KIF20B: variants seen among roughly 807,000 people sequenced by gnomAD.
KIF20B encodes the protein kinesin-like protein KIF20B.
A neutral mutation model predicts 232.5 loss-of-function variants in KIF20B; 188 were observed. That is an observed-to-expected ratio of 0.81 (90% confidence interval 0.72 to 0.91). The LOEUF is 0.91. Ranked by LOEUF, KIF20B falls within the 40% of genes least tolerant of loss-of-function variation. The probability of loss-of-function intolerance (pLI) is 0.00; values close to 1 mark genes in which losing one functional copy is unlikely to be tolerated. For missense variants in KIF20B, 2,154 were observed against 2,055.9 expected (o/e 1.05, Z -0.92); for synonymous variants, 712 against 683.0 (o/e 1.04, Z -0.66).
chr10:89,758,719 C>T lies in KIF20B; in HGVS notation c.4517C>T (p.Ala1506Val). ...TTTCCTGATTAGGAAATACTGACAG[C>T]CCAGCTGACAGAGAAAGATAGTGAC... Reference protein sequence around the residue: ...KQQNEMEILTAQLTEKDSDLQ... With the variant: ...KQQNEMEILTVQLTEKDSDLQ... Residue 1506 changes from alanine (A) to valine (V), a missense_variant, in exon 27 of 33, where the codon GCC becomes GTC. By Grantham distance (64) the Ala-to-Val change is moderately conservative (BLOSUM62 0). Coordinates refer to ENST00000371728, the MANE Select transcript of KIF20B (RefSeq NM_001284259.2). The T allele has an allele frequency of 1.9e-6, 3 of 1,586,552 alleles. No individual in the cohort carries two copies. The highest frequency in any genetic ancestry group is 1.7e-6 in the Non-Finnish European group (2 of 1,168,208).
At chr10:89,762,571 T>A (rs1589882721) in intron 28 of KIF20B, 67 bp from the exon 29 acceptor site, 1 of 1,221,934 alleles carries the variant, frequency 8.2e-7, no homozygotes, top group East Asian at 2.4e-5. Flanking sequence ...TTTGAGAGAA[T>A]TAATTCTTTG....
intron 19 of KIF20B, among the ~76,000 whole-genome samples, chr10:89,734,497 T>G (rs1841601317): frequency 6.6e-6 from 1 of 152,208 alleles, no homozygotes; most frequent in Admixed American, 6.5e-5. Context: ...CTCCACATTA[T>G]GGTAGTACCT....
intron 16 of KIF20B, among the ~76,000 whole-genome samples, chr10:89,727,269 T>G (rs1021953395): frequency 4.6e-5 from 7 of 151,526 alleles, no homozygotes; most frequent in Non-Finnish European, 8.8e-5. Context: ...CCTTTTTTTT[T>G]TAAAGACAGG....
At chr10:89,767,615 G>T (rs1405329620) in intron 29 of KIF20B, among the ~76,000 whole-genome samples, 1 of 151,996 alleles carries the variant, frequency 6.6e-6, no homozygotes, top group East Asian at 1.9e-4. Flanking sequence ...AGCAGTTCAA[G>T]TCAGTGAGTA....
intron 2 of KIF20B, among the ~76,000 whole-genome samples, chr10:89,708,153 C>T (rs1842764037): frequency 6.6e-6 from 1 of 151,530 alleles, no homozygotes; most frequent in South Asian, 2.1e-4. Flanking sequence ...ATGTCAAACT[C>T]AAAATTAGTT....
At position 89,752,627 on chromosome 10, in the gene KIF20B, A is replaced by T; in HGVS notation, c.4283A>T (p.Asn1428Ile). Residue 1428 changes from asparagine to isoleucine, a missense_variant, in exon 25 of 33, where the codon AAT (asparagine) becomes ATT (isoleucine). Physicochemically the swap from Asn to Ile is moderately radical, Grantham distance 149. Transcript: ENST00000371728. The stretch of plus-strand genomic sequence containing the variant: ...GAAACCAAAAACAATCAAAGGTCAA[A>T]TAAAGAACATGAGAACAACACAGAT... ...DLETKNNQRS[N>I]KEHENNTDVL... The T allele has an allele frequency of 6.2e-7, 1 of 1,607,128 alleles. No individual in the cohort carries two copies. The highest frequency in any genetic ancestry group is 1.1e-5 in the South Asian group (1 of 89,958).
At chr10:89,728,516 T>TAA (rs1278392195) in intron 17 of KIF20B, among the ~76,000 whole-genome samples, 1 of 151,978 alleles carries the variant, frequency 6.6e-6, no homozygotes, top group African/African-American at 2.4e-5. Context: ...TAGTTTTATT[T>TAA]ATTTATTGTT....
At position 89,714,052 on chromosome 10, in the gene KIF20B, T is replaced by C. The variant is rs1246084251; in HGVS notation, c.681T>C (p.Thr227=). The change falls in exon 7 of 33, where the codon ACT becomes ACC. Residue 227 remains threonine (T), a synonymous_variant. Transcript: ENST00000371728. ...TAAAACAATCTTTTTTTTAGGTTAC[T>C]GTGCATAATGATAGTGATGATACTC... ...SALLRQIKEV[T]VHNDSDDTLY... 7.0e-6 allele frequency: 10 copies of C among 1,424,652 alleles called. No individual in the cohort carries two copies. Among genetic ancestry groups the C allele is most frequent in the Non-Finnish European group, 9.5e-6 (10 of 1,057,506 alleles). The allele number at this position is 1,424,652 out of a possible 1,614,324, so 88.3% of individuals were successfully genotyped here.
Position 89,760,615 on chromosome 10 carries a change from A to T in KIF20B, c.4770A>T (p.Glu1590Asp), listed in dbSNP as rs1842219331. The T allele has an allele frequency of 6.2e-7, 1 of 1,603,218 alleles. No individual in the cohort carries two copies. Residue 1590 changes from glutamate to aspartate, a missense_variant, in exon 28 of 33, where the codon GAA (glutamate) becomes GAT (aspartate). By Grantham distance (45) the Glu-to-Asp change is conservative. Transcript: ENST00000371728. ...LQTEPLSTSF[E>D]ISRNKIEDGS... ...CTGAACCTCTATCGACAAGTTTTGA[A>T]ATTTCCAGAAATAAAATAGAGGTGG...
chr10:89,771,828 G>A (rs1420689724), intron 31 of KIF20B, among the ~76,000 whole-genome samples: 1 of 151,934 alleles, frequency 6.6e-6, no homozygotes, highest in Non-Finnish European at 1.5e-5. Flanking sequence ...ATTCTGTGGT[G>A]GACTATAGAA....
chr10:89,746,047 G>C (rs1841903371), intron 23 of KIF20B, 88 bp downstream of exon 23: 1 of 941,996 alleles, frequency 1.1e-6, no homozygotes, highest in Non-Finnish European at 1.7e-6. Flanking sequence ...TTGCTTCATT[G>C]GTGCCCTGCA....
At chr10:89,741,876 A>G (rs1051616766) in intron 21 of KIF20B, among the ~76,000 whole-genome samples, 2 of 152,280 alleles carry the variant, frequency 1.3e-5, no homozygotes, top group African/African-American at 4.8e-5. Flanking sequence ...TAGTCATCTC[A>G]ATTATCAGAT....
chr10:89,740,570 C>CT (rs990872925), intron 21 of KIF20B, among the ~76,000 whole-genome samples: 34 of 152,126 alleles, frequency 2.2e-4, no homozygotes, highest in Admixed American at 7.2e-4. Context: ...GTGAGTAGCC[C>CT]TACCCTTAAG....
At chr10:89,751,226 C>T (rs1027612710) in intron 23 of KIF20B, 120 bp from the exon 24 acceptor site, 140 of 765,820 alleles carry the variant, frequency 1.8e-4, no homozygotes, top group Non-Finnish European at 1.1e-4. Context: ...AAGTTTCTGT[C>T]TATATGGAAC....
intron 2 of KIF20B, among the ~76,000 whole-genome samples, chr10:89,707,748 C>T (rs1174894497): frequency 6.6e-6 from 1 of 152,000 alleles, no homozygotes; most frequent in Non-Finnish European, 1.5e-5. Flanking sequence ...CATTTTGCTG[C>T]TCATCTTAGA....
Position 89,737,659 on chromosome 10 carries a change from T to G in KIF20B, c.2818T>G (p.Tyr940Asp), listed in dbSNP as rs369103401. 66 of 1,612,324 alleles carry G rather than the reference T, an allele frequency of 4.1e-5. No individual in the cohort carries two copies. The highest frequency in any genetic ancestry group is 5.3e-5 in the Non-Finnish European group (63 of 1,178,884). Residue 940 changes from tyrosine (Y) to aspartate (D), a missense_variant, in exon 20 of 33, where the codon TAT (tyrosine) becomes GAT (aspartate). By Grantham distance (160) the Tyr-to-Asp change is radical. Transcript: ENST00000371728. ...AGAGGTCCAACAAATTCAGTCAAAT[T>G]ATGATATTGCAATTGCTGAATTACA... is the stretch of plus-strand genomic sequence containing the variant. ...SKEVQQIQSN[Y>D]DIAIAELHVQ...
chr10:89,743,953 A>T, intron 22 of KIF20B, 26 bp downstream of exon 22: 1 of 1,555,376 alleles, frequency 6.4e-7, no homozygotes, highest in Non-Finnish European at 8.7e-7. Context: ...TTTAAAGATG[A>T]TTTAAATGCA....
In KIF20B at chr10:89,709,971, C is replaced by T; in HGVS notation, c.396C>T (p.Cys132=). Residue 132 remains cysteine, a synonymous_variant, in exon 5 of 33, where the codon TGC becomes TGT. Transcript: ENST00000371728. The part of the protein sequence containing the change: ...ATTQKEFFQG[C]IMQPVKDLLK... Reference sequence around the variant, plus strand: ...CACAGAAGGAATTCTTTCAGGGTTGCATTATGCAACCAGTAAAAGACCTCT... The same window carrying T: ...CACAGAAGGAATTCTTTCAGGGTTGTATTATGCAACCAGTAAAAGACCTCT... The T allele has an allele frequency of 1.2e-6, 2 of 1,609,888 alleles. No homozygotes were observed. Among genetic ancestry groups the T allele is most frequent in the Non-Finnish European group, 1.7e-6 (2 of 1,178,490 alleles).
In KIF20B at chr10:89,774,081, T is replaced by TAGTC; in HGVS notation, c.*35_*38dup. On this transcript the variant is annotated 3_prime_UTR_variant, in exon 33 of 33. Transcript: ENST00000371728. ...ATGGAAATGTTTAATATAAATTTTA[T>TAGTC]AGTCATAGTCATTGGAACTTGCATC... The TAGTC allele has an allele frequency of 7.5e-7, 1 of 1,341,638 alleles. No homozygotes were observed. The highest frequency in any genetic ancestry group is 1.5e-5 in the African/African-American group (1 of 68,690). The allele number at this position is 1,341,638 out of a possible 1,614,324, so 83.1% of individuals were successfully genotyped here.
Sources: allele counts gnomAD v4.1 joint callset (sites outside exome capture counted in the v4.1 genomes callset), GRCh38; gene constraint gnomAD v4.1.1; transcripts MANE v1.5; gene names NCBI Gene and HGNC (gene_info 2026-07-23, HGNC 2026-07-21).